Variants in SLC26A5 observed in about 807,000 individuals in gnomAD.
SLC26A5 encodes the protein solute carrier family 26 member 5, also known as prestin.
A neutral mutation model predicts 81.0 loss-of-function variants in SLC26A5; 51 were observed. The observed-to-expected ratio is 0.63, with a 90% confidence interval of 0.50 to 0.80. The LOEUF (loss-of-function observed/expected upper bound fraction) is 0.80. Among genes scored for constraint, SLC26A5 ranks in the 30% least tolerant of loss-of-function variants. The probability of loss-of-function intolerance (pLI) is 0.00; values close to 1 mark genes in which losing one functional copy is unlikely to be tolerated. For missense variants in SLC26A5, 771 were observed against 905.8 expected, an observed-to-expected ratio of 0.85 and a Z score of 1.91; for synonymous variants, 325 against 332.8, an observed-to-expected ratio of 0.98 and a Z score of 0.25.
At chr7:103,371,900 A>C (rs149415182), downstream of SLC26A5, among the ~76,000 whole-genome samples, 4 of 150,200 alleles carry the variant, frequency 2.7e-5, no homozygotes, top group African/African-American at 7.4e-5. Flanking sequence ...TTTCACCATG[A>C]TGGCCAGGCT....
intron 9 of SLC26A5, 148 bp from the exon 10 acceptor site, chr7:103,393,214 A>G: frequency 1.0e-6 from 1 of 975,232 alleles, no homozygotes. Context: ...GTTGGCAAAA[A>G]GGAGGGCCCT....
chr7:103,360,379 A>G (rs978058621), intron 19 of SLC26A5, among the ~76,000 whole-genome samples: 35 of 151,882 alleles, frequency 2.3e-4, no homozygotes, highest in African/African-American at 8.2e-4. Context: ...TTGGTAGAGA[A>G]TGGGTATAAT....
chr7:103,441,716 G>C (rs1275244569), intron 2 of SLC26A5, among the ~76,000 whole-genome samples: 1 of 152,106 alleles, frequency 6.6e-6, no homozygotes, highest in Non-Finnish European at 1.5e-5. Flanking sequence ...ATCGTCTCTG[G>C]GGACCTTTAG....
At chr7:103,433,703 C>CTTTTTTT (rs1171517358) in intron 2 of SLC26A5, 6 of 131,442 alleles carry the variant, frequency 4.6e-5, no homozygotes, top group African/African-American at 1.9e-4. Flanking sequence ...TTTTTTCTTT[C>CTTTTTTT]TTTTTTTTTT....
Position 103,363,349 on chromosome 7 carries a change from A to G in SLC26A5, c.2042-10423T>C, listed in dbSNP as rs567731985. ...CATTTCTGTCCCTCTCTTAGGTGGA[A>G]GAGAAACCTGATGTCACATACAGTG... On this transcript the variant is annotated intron_variant, in intron 19 of 19. Transcript: ENST00000339444. 606 of 1,612,596 alleles carry G rather than the reference A, an allele frequency of 3.8e-4. 10 individuals carry two copies. The South Asian group carries it at 5.9e-3, about 16-fold the overall frequency.
intron 12 of SLC26A5, 99 bp from the exon 13 acceptor site, chr7:103,389,523 CCCTACTCACTT>C (rs538134447): frequency 9.4e-6 from 8 of 851,974 alleles, no homozygotes; most frequent in Non-Finnish European, 1.6e-5. Context: ...CATGCCTTCT[CCCTACTCACTT>C]CCTATATGGC....
intron 7 of SLC26A5, among the ~76,000 whole-genome samples, chr7:103,408,984 A>T (rs887687093): frequency 2.6e-5 from 4 of 152,182 alleles, no homozygotes; most frequent in African/African-American, 9.7e-5. Context: ...GATAATAGCT[A>T]TTATGGGAAA....
chr7:103,443,370 C>A (rs1326882138), intron 1 of SLC26A5, among the ~76,000 whole-genome samples, 159 bp from the exon 2 acceptor site: 3 of 152,106 alleles, frequency 2.0e-5, no homozygotes, highest in Non-Finnish European at 4.4e-5. Context: ...GGCTTACATG[C>A]GATAGACTAA....
At chr7:103,361,510 CAAAAAAAAAAA>C (rs759044767) in intron 19 of SLC26A5, among the ~76,000 whole-genome samples, 3 of 51,102 alleles carry the variant, frequency 5.9e-5, no homozygotes, top group Non-Finnish European at 1.2e-4. Flanking sequence ...AACTCCATCT[CAAAAAAAAAAA>C]AAAAAAAAAA....
intron 2 of SLC26A5, among the ~76,000 whole-genome samples, chr7:103,425,186 C>T (rs1317471989): frequency 6.6e-6 from 1 of 152,140 alleles, no homozygotes; most frequent in East Asian, 1.9e-4. Flanking sequence ...CTCAAAATTC[C>T]TTCTATTTCA....
chr7:103,383,152 G>A (rs1821926617), intron 14 of SLC26A5, among the ~76,000 whole-genome samples: 1 of 152,190 alleles, frequency 6.6e-6, no homozygotes, highest in South Asian at 2.1e-4. Context: ...ACTGATTGTA[G>A]ATAAGGGGCT....
At chr7:103,401,091 T>C (rs1182744071) in intron 8 of SLC26A5, among the ~76,000 whole-genome samples, 1 of 152,256 alleles carries the variant, frequency 6.6e-6, no homozygotes, top group African/African-American at 2.4e-5. Context: ...TTTCTAATTC[T>C]GTGAAGAAAG....
At chr7:103,378,897 A>G (rs1586211582) in intron 16 of SLC26A5, among the ~76,000 whole-genome samples, 1 of 152,126 alleles carries the variant, frequency 6.6e-6, no homozygotes, top group South Asian at 2.1e-4. Context: ...GTTGAGTTCT[A>G]AACATGACCA....
chr7:103,377,455 C>G, intron 18 of SLC26A5, 144 bp downstream of exon 18: 1 of 743,482 alleles, frequency 1.3e-6, no homozygotes, highest in South Asian at 1.6e-5. Context: ...AAAATCTTTA[C>G]TTCTATATAT....
intron 19 of SLC26A5, among the ~76,000 whole-genome samples, chr7:103,366,354 T>C (rs1303814324): frequency 6.6e-6 from 1 of 152,202 alleles, no homozygotes; most frequent in Non-Finnish European, 1.5e-5. Flanking sequence ...TTATATACCA[T>C]TGTCATTTTT....
At chr7:103,418,487 A>G (rs1252254770) in intron 4 of SLC26A5, among the ~76,000 whole-genome samples, 1 of 151,906 alleles carries the variant, frequency 6.6e-6, no homozygotes, top group Non-Finnish European at 1.5e-5. Context: ...CTGGGCCCTT[A>G]TCCGCTCCTC....
chr7:103,415,443 G>A, intron 4 of SLC26A5, among the ~76,000 whole-genome samples: 1 of 152,106 alleles, frequency 6.6e-6, no homozygotes, highest in East Asian at 1.9e-4. Flanking sequence ...ACTTCTGGCA[G>A]GAGACATTTG....
intron 19 of SLC26A5, chr7:103,355,790 C>A: frequency 6.2e-7 from 1 of 1,611,078 alleles, no homozygotes; most frequent in Non-Finnish European, 8.5e-7. Flanking sequence ...TTACAGGTTG[C>A]CAGGTATGCA....
intron 2 of SLC26A5, among the ~76,000 whole-genome samples, chr7:103,430,616 C>G (rs1826010051): frequency 1.3e-5 from 1 of 79,294 alleles, no homozygotes; most frequent in African/African-American, 1.3e-4. Flanking sequence ...GGAGAGGATA[C>G]TGGATTTGAA....
Sources: gnomAD v4.1 joint callset for allele counts (sites outside exome capture counted in the v4.1 genomes callset) on GRCh38, gnomAD v4.1.1 for gene constraint, MANE v1.5 for transcripts, NCBI Gene and HGNC (gene_info 2026-07-23, HGNC 2026-07-21) for gene names.